Variants in HCN1 observed in about 807,000 individuals in gnomAD.
HCN1 encodes the protein hyperpolarization activated cyclic nucleotide gated potassium channel 1.
A neutral mutation model predicts 78.9 loss-of-function variants in HCN1; 13 were observed. The ratio of observed to expected loss-of-function variants is 0.16; its 90% CI spans 0.11 to 0.26. HCN1 has a LOEUF of 0.26. HCN1 is among the 10% of genes least tolerant of loss of function. HCN1 has a pLI of 1.00. For missense variants in HCN1, 810 were observed against 1,154.3 expected (o/e 0.70, Z 4.32); for synonymous variants, 552 against 455.5 (o/e 1.21, Z -2.70).
chr5:45,430,909 T>C (rs1257895721), intron 3 of HCN1, among the ~76,000 whole-genome samples: 2 of 152,186 alleles, frequency 1.3e-5, no homozygotes, highest in Non-Finnish European at 2.9e-5. Flanking sequence ...AATGAATATA[T>C]GTGCCATGTG....
At position 45,262,429 on chromosome 5, in the gene HCN1, G is replaced by A. The variant is rs2111839334; in HGVS notation, c.2165C>T (p.Pro722Leu). ...LAARTFHYAS[P>L]TASQLSLMQQ... ...CATGAGTGACAGCTGGGAGGCGGTG[G>A]GGGAGGCATAGTGGAAAGTTCGAGC... The change falls in exon 8 of 8, where the codon CCC (proline) becomes CTC (leucine). Residue 722 changes from proline (P) to leucine (L), a missense_variant. This residue lies in a region of HCN1 where 398 missense variants were observed against 381.3 expected (regional missense o/e 1.04). Coordinates refer to ENST00000303230, the MANE Select transcript of HCN1 (RefSeq NM_021072.4). 1 of 1,611,646 alleles carries A rather than the reference G, an allele frequency of 6.2e-7. No individual in the cohort carries two copies. Among genetic ancestry groups the A allele is most frequent in the Admixed American group, 1.7e-5 (1 of 60,000 alleles).
chr5:45,617,563 A>G (rs1744979584), intron 2 of HCN1: 1 of 152,100 alleles, frequency 6.6e-6, no homozygotes, highest in African/African-American at 2.4e-5. Context: ...TGGCCCTGCC[A>G]CTTCATTTCC....
intron 4 of HCN1, among the ~76,000 whole-genome samples, chr5:45,379,101 T>G (rs545462069): frequency 1.3e-5 from 2 of 152,142 alleles, no homozygotes; most frequent in East Asian, 1.9e-4. Context: ...TGTGTCTTTA[T>G]AGCAGCATGA....
At chr5:45,351,684 AAAAC>A (rs1387902542) in intron 5 of HCN1, among the ~76,000 whole-genome samples, 2 of 146,058 alleles carry the variant, frequency 1.4e-5, no homozygotes, top group African/African-American at 2.7e-5. Flanking sequence ...TTATAAGAAA[AAAAC>A]AAACAACCCC....
intron 6 of HCN1, among the ~76,000 whole-genome samples, chr5:45,295,848 T>A (rs577257883): frequency 2.2e-4 from 33 of 152,150 alleles, no homozygotes; most frequent in Middle Eastern, 3.4e-3. Flanking sequence ...AAATTTGGTG[T>A]TATTGATGTC....
chr5:45,427,858 C>T (rs1740383177), intron 3 of HCN1, among the ~76,000 whole-genome samples: 1 of 152,026 alleles, frequency 6.6e-6, no homozygotes, highest in African/African-American at 2.4e-5. Context: ...GCTCTGAAAA[C>T]AGATCCTGCT....
intron 5 of HCN1, among the ~76,000 whole-genome samples, chr5:45,335,543 T>C (rs1746435405): frequency 6.6e-6 from 1 of 152,076 alleles, no homozygotes; most frequent in South Asian, 2.1e-4. Context: ...TTGCTGGGTT[T>C]GGTGTCCCTC....
chr5:45,343,768 T>C (rs1395213221), intron 5 of HCN1, among the ~76,000 whole-genome samples: 2 of 151,760 alleles, frequency 1.3e-5, no homozygotes, highest in East Asian at 1.9e-4. Flanking sequence ...TGTGAGATAA[T>C]ATAAATAAAA....
chr5:45,648,640 T>C (rs549507816), intron 1 of HCN1, among the ~76,000 whole-genome samples: 2 of 152,126 alleles, frequency 1.3e-5, no homozygotes, highest in Non-Finnish European at 2.9e-5. Context: ...TGAAAATCTC[T>C]TACCTAATTG....
intron 1 of HCN1, among the ~76,000 whole-genome samples, chr5:45,668,283 C>T (rs1746088653): frequency 6.6e-6 from 1 of 151,786 alleles, no homozygotes; most frequent in Non-Finnish European, 1.5e-5. Context: ...AGGAGGGATT[C>T]GGTGGGAGGT....
intron 4 of HCN1, among the ~76,000 whole-genome samples, chr5:45,365,521 T>G (rs1747216673): frequency 6.6e-6 from 1 of 151,994 alleles, no homozygotes; most frequent in South Asian, 2.1e-4. Context: ...AGGACATGAT[T>G]AAATTATTTT....
intron 2 of HCN1, among the ~76,000 whole-genome samples, chr5:45,639,261 T>C (rs964930649): frequency 2.0e-5 from 3 of 152,180 alleles, no homozygotes; most frequent in African/African-American, 7.2e-5. Context: ...CCTAGTGGTC[T>C]TTAGCAGAAT....
intron 2 of HCN1, among the ~76,000 whole-genome samples, chr5:45,493,188 CTATT>C (rs1254269732): frequency 8.6e-5 from 13 of 151,982 alleles, no homozygotes; most frequent in African/African-American, 2.7e-4. Context: ...GGATTTTTAA[CTATT>C]TATTTATTTT....
intron 3 of HCN1, among the ~76,000 whole-genome samples, chr5:45,439,433 G>C (rs1157726456): frequency 6.6e-6 from 1 of 152,040 alleles, no homozygotes; most frequent in Non-Finnish European, 1.5e-5. Flanking sequence ...TAAATGTATA[G>C]AGTTATTTAA....
chr5:45,604,437 T>C (rs1318628009), intron 2 of HCN1, among the ~76,000 whole-genome samples: 1 of 151,904 alleles, frequency 6.6e-6, no homozygotes, highest in Non-Finnish European at 1.5e-5. Context: ...GTCTGTGCTT[T>C]TGACACACTA....
intron 5 of HCN1, among the ~76,000 whole-genome samples, chr5:45,322,862 C>T (rs1746150380): frequency 6.6e-6 from 1 of 151,794 alleles, no homozygotes; most frequent in South Asian, 2.1e-4. Flanking sequence ...TGACAAAAAT[C>T]ACAGCATGTA....
intron 3 of HCN1, among the ~76,000 whole-genome samples, chr5:45,447,803 G>T (rs1740830456): frequency 1.3e-5 from 2 of 151,950 alleles, no homozygotes; most frequent in Admixed American, 6.6e-5. Context: ...TCAAAAAGGG[G>T]GAGGTGTTTG....
intron 5 of HCN1, among the ~76,000 whole-genome samples, chr5:45,322,899 G>A (rs1408919741): frequency 1.3e-5 from 2 of 151,786 alleles, no homozygotes; most frequent in Non-Finnish European, 1.5e-5. Flanking sequence ...ACTACTAAGA[G>A]GTATGCAGTC....
chr5:45,488,461 C>A (rs546670942), intron 2 of HCN1, among the ~76,000 whole-genome samples: 1 of 152,174 alleles, frequency 6.6e-6, no homozygotes, highest in South Asian at 2.1e-4. Context: ...TATCAAACAG[C>A]AGGGACTGTT....
Sources: gnomAD v4.1 joint callset for allele counts (sites outside exome capture counted in the v4.1 genomes callset) on GRCh38, gnomAD v4.1.1 for gene constraint, gnomAD v4.1.1 regional missense constraint, MANE v1.5 for transcripts, NCBI Gene and HGNC (gene_info 2026-07-23, HGNC 2026-07-21) for gene names.